RPP30: variants seen among roughly 807,000 people sequenced by gnomAD.
The protein encoded by RPP30 is ribonuclease P protein subunit p30.
Under a neutral mutation model 38.6 loss-of-function variants are expected in RPP30, and 36 were observed. The observed-to-expected ratio is 0.93, with a 90% CI of 0.71 to 1.23. The LOEUF (loss-of-function observed/expected upper bound fraction) is 1.23, where lower values mean the gene tolerates loss of function less well. RPP30 is among the 50% of genes most tolerant of loss of function. RPP30 has a pLI of 0.00. For missense variants in RPP30, 321 were observed against 321.7 expected (o/e 1.00, Z 0.02); for synonymous variants, 126 against 112.7 (o/e 1.12, Z -0.75).
At chr10:90,899,117 G>A (rs2120235864) in intron 10 of RPP30, among the ~76,000 whole-genome samples, 1 of 152,304 alleles carries the variant, frequency 6.6e-6, no homozygotes, top group East Asian at 1.9e-4. Flanking sequence ...AAAAAGTGCT[G>A]ATTTTCATAA....
At position 90,874,852 on chromosome 10, in the gene RPP30, C is replaced by A; in HGVS notation, c.83-17C>A. On this transcript the variant is annotated splice_polypyrimidine_tract_variant and intron_variant, in intron 1 of 10. Transcript: ENST00000371703. ...GGTTGTTATATTTAACAAAAGTGTT[C>A]AATTTTTCTTTTTCAGTTGGCTATT... 6.3e-7 allele frequency: 1 copy of A among 1,581,656 alleles called. No homozygotes were observed. Among genetic ancestry groups the A allele is most frequent in the South Asian group, 1.1e-5 (1 of 87,370 alleles).
At chr10:90,876,678 A>G (rs979128811) in intron 4 of RPP30, among the ~76,000 whole-genome samples, 4 of 152,208 alleles carry the variant, frequency 2.6e-5, no homozygotes, top group Non-Finnish European at 5.9e-5. Context: ...AAACAAAACA[A>G]TAGGGCTAAG....
chr10:90,888,780 C>A (rs1296540196), intron 6 of RPP30, among the ~76,000 whole-genome samples: 3 of 152,060 alleles, frequency 2.0e-5, no homozygotes, highest in Admixed American at 1.3e-4. Flanking sequence ...TCGCTTAATT[C>A]CTACATTTTT....
rs778636327 is a variant in RPP30, at chr10:90,872,034, G to A, written c.48G>A (p.Lys16=). 28 of 1,614,082 alleles carry A rather than the reference G, an allele frequency of 1.7e-5. No homozygotes were observed. In the East Asian group the frequency reaches 4.9e-4, roughly 28 times the overall value. The change falls in exon 1 of 11, where the codon AAG becomes AAA. Residue 16 remains lysine (K), a synonymous_variant. Coordinates refer to ENST00000371703, the MANE Select transcript of RPP30 (RefSeq NM_006413.5). ...ACCTGCGAGCGGGTTCTGACCTGAA[G>A]GCTCTGCGCGGACTTGTGGAGACAG... The part of the protein sequence containing the change: ...DLDLRAGSDL[K]ALRGLVETAA...
At chr10:90,887,808 C>T (rs1340577437) in intron 6 of RPP30, among the ~76,000 whole-genome samples, 1 of 152,168 alleles carries the variant, frequency 6.6e-6, no homozygotes, top group African/African-American at 2.4e-5. Context: ...ACTGAATCAC[C>T]ACATTTTCGA....
At chr10:90,897,249 T>C (rs1847150729) in intron 10 of RPP30, among the ~76,000 whole-genome samples, 1 of 152,226 alleles carries the variant, frequency 6.6e-6, no homozygotes, top group South Asian at 2.1e-4. Context: ...GTTGTAGTGG[T>C]TAAGAAGCAA....
chr10:90,900,077 A>G (rs1269882065), intron 10 of RPP30, among the ~76,000 whole-genome samples: 1 of 152,246 alleles, frequency 6.6e-6, no homozygotes, highest in Admixed American at 6.5e-5. Flanking sequence ...CACATTTTGC[A>G]TAACCAGGCC....
Position 90,874,966 on chromosome 10 carries a change from A to G in RPP30, c.138+42A>G, listed in dbSNP as rs376362341. The stretch of plus-strand genomic sequence containing the variant: ...AAAGTTAATAAGTTCATAAATAAGT[A>G]TTTGTAATTCTGTTTGTATTGGTAA... On this transcript the variant is annotated intron_variant, in intron 2 of 10. Coordinates refer to ENST00000371703, the MANE Select transcript of RPP30 (RefSeq NM_006413.5). The G allele has an allele frequency of 3.2e-3, 4,092 of 1,261,812 alleles. 15 individuals carry two copies. The highest frequency in any genetic ancestry group is 4.8e-3 in the South Asian group (349 of 71,998). The allele number at this position is 1,261,812 out of a possible 1,614,324, so 78.2% of individuals were successfully genotyped here. A position where few individuals can be genotyped will look rare whatever the true frequency, so the allele number is the denominator to read the frequency against.
intron 4 of RPP30, among the ~76,000 whole-genome samples, chr10:90,877,661 C>G (rs188641364): frequency 4.3e-4 from 66 of 151,958 alleles, no homozygotes; most frequent in Non-Finnish European, 7.2e-4. Context: ...ATGTGACAGT[C>G]CTTGGCTGCC....
intron 1 of RPP30, 157 bp downstream of exon 1, chr10:90,872,225 C>T (rs1243529156): frequency 1.5e-6 from 1 of 654,556 alleles, no homozygotes; most frequent in Non-Finnish European, 2.8e-6. Flanking sequence ...TGGTCTGATT[C>T]CTAGCGCGGG....
At position 90,894,789 on chromosome 10, in the gene RPP30, C is replaced by T. The variant is rs143325523; in HGVS notation, c.447C>T (p.Gly149=). The T allele has an allele frequency of 6.2e-7, 1 of 1,612,700 alleles. No individual in the cohort carries two copies. Among genetic ancestry groups the T allele is most frequent in the African/African-American group, 1.3e-5 (1 of 74,840 alleles). Residue 149 remains glycine, a synonymous_variant, in exon 7 of 11, where the codon GGC becomes GGT. Coordinates refer to ENST00000371703, the MANE Select transcript of RPP30 (RefSeq NM_006413.5). ...RPPINVAIDR[G]LAFELVYSPA... ...TTCCTGTGAAGGCGATTGACCGAGGCCTGGCTTTTGAACTTGTCTATAGCC... is the reference window on the plus strand; with the variant it reads ...TTCCTGTGAAGGCGATTGACCGAGGTCTGGCTTTTGAACTTGTCTATAGCC...
intron 10 of RPP30, 47 bp downstream of exon 10, chr10:90,896,439 A>G (rs759445773): frequency 2.7e-6 from 4 of 1,498,278 alleles, no homozygotes; most frequent in Admixed American, 1.7e-5. Context: ...GTTAAAAGCA[A>G]GTCATTTTTA....
chr10:90,888,841 G>T (rs959812431), intron 6 of RPP30, among the ~76,000 whole-genome samples: 1 of 152,172 alleles, frequency 6.6e-6, no homozygotes, highest in African/African-American at 2.4e-5. Flanking sequence ...AGAGGGATAT[G>T]CAGTTTAACA....
rs1236455978 is a variant in RPP30, at chr10:90,900,681, A to G, written c.*2A>G. On this transcript the variant is annotated 3_prime_UTR_variant, in exon 11 of 11. Coordinates refer to ENST00000371703, the MANE Select transcript of RPP30 (RefSeq NM_006413.5). ...AAGAAAGCCAAGTGTGAGGGCTGAA[A>G]AGAATGCCCCAGTCTCTGTCAGCAC... The G allele has an allele frequency of 5.6e-6, 9 of 1,613,022 alleles. No homozygotes were observed. The highest frequency in any genetic ancestry group is 7.6e-6 in the Non-Finnish European group (9 of 1,179,526).
At chr10:90,872,235 G>A in intron 1 of RPP30, 167 bp downstream of exon 1, 1 of 633,350 alleles carries the variant, frequency 1.6e-6, no homozygotes, top group South Asian at 1.9e-5. Context: ...CCTAGCGCGG[G>A]AAACTCGAAG....
intron 4 of RPP30, among the ~76,000 whole-genome samples, chr10:90,877,855 CAG>C (rs747070747): frequency 2.6e-5 from 4 of 152,168 alleles, no homozygotes; most frequent in Admixed American, 6.5e-5. Flanking sequence ...TGCCTACTAT[CAG>C]GGGAGAGAGA....
intron 10 of RPP30, among the ~76,000 whole-genome samples, chr10:90,898,266 A>G (rs1482251254): frequency 6.6e-6 from 1 of 151,952 alleles, no homozygotes; most frequent in Non-Finnish European, 1.5e-5. Context: ...ATTACCATTC[A>G]CCCCAGTGTA....
Position 90,900,653 on chromosome 10 carries a change from T to G in RPP30, c.781T>G (p.Ser261Ala), listed in dbSNP as rs1847189746. ...SEGDEDCLPA[S>A]KKAKCEG ...AGGAGATGAAGATTGTCTTCCAGCT[T>G]CCAAGAAAGCCAAGTGTGAGGGCTG... Residue 261 changes from serine (S) to alanine (A), a missense_variant, in exon 11 of 11, where the codon TCC becomes GCC. Transcript: ENST00000371703. 6.2e-7 allele frequency: 1 copy of G among 1,613,454 alleles called. No homozygotes were observed. Among genetic ancestry groups the G allele is most frequent in the Non-Finnish European group, 8.5e-7 (1 of 1,179,746 alleles).
In RPP30 at chr10:90,902,116, A is replaced by C; in HGVS notation, c.*1437A>C. The C allele has an allele frequency of 1.0e-6, 1 of 990,072 alleles. No homozygotes were observed. Among genetic ancestry groups the C allele is most frequent in the Non-Finnish European group, 1.2e-6 (1 of 832,484 alleles). The allele number at this position is 990,072 out of a possible 1,614,324, so 61.3% of individuals were successfully genotyped here. A position where few individuals can be genotyped will look rare whatever the true frequency, so the allele number is the denominator to read the frequency against. On this transcript the variant is annotated 3_prime_UTR_variant, in exon 11 of 11. Transcript: ENST00000371703. ...CCGGCCCGAGAAAATACAGTTTTAA[A>C]AAGAGAAAGCTTTATAACCTCACCA...
Sources: allele counts gnomAD v4.1 joint callset (sites outside exome capture counted in the v4.1 genomes callset), GRCh38; gene constraint gnomAD v4.1.1; transcripts MANE v1.5; gene names NCBI Gene and HGNC (gene_info 2026-07-23, HGNC 2026-07-21).